Variants in DHRS3 observed in about 807,000 individuals in gnomAD.
The protein encoded by DHRS3 is dehydrogenase/reductase 3, also known as short-chain dehydrogenase/reductase 3.
DHRS3 carries 14 observed loss-of-function variants against 27.2 expected under a neutral mutation model. That is an observed-to-expected ratio of 0.52 (90% CI 0.34 to 0.81). The LOEUF (loss-of-function observed/expected upper bound fraction) is 0.81, where lower values mean the gene tolerates loss of function less well. DHRS3 is among the 30% of genes least tolerant of loss of function. The pLI is 0.01. For missense variants in DHRS3, 322 were observed against 406.2 expected (o/e 0.79, Z 1.78); for synonymous variants, 165 against 175.9 (o/e 0.94, Z 0.49).
At chr1:12,612,785 A>G (rs1330438247) in intron 1 of DHRS3, among the ~76,000 whole-genome samples, 1 of 152,152 alleles carries the variant, frequency 6.6e-6, no homozygotes, top group Non-Finnish European at 1.5e-5. Flanking sequence ...GGGGGTGGGC[A>G]CGGTGGCTCA....
At chr1:12,611,704 T>A (rs1646910422) in intron 1 of DHRS3, among the ~76,000 whole-genome samples, 1 of 152,052 alleles carries the variant, frequency 6.6e-6, no homozygotes, top group African/African-American at 2.4e-5. Flanking sequence ...TTTTTGAGCG[T>A]GCCGGGATCT....
chr1:12,603,952 G>A (rs11121947), intron 1 of DHRS3, among the ~76,000 whole-genome samples: 3,692 of 152,278 alleles, frequency 0.024, 117 homozygotes, highest in African/African-American at 0.083. Context: ...CTCGCCCTGA[G>A]CCTGCATCTG....
intron 1 of DHRS3, among the ~76,000 whole-genome samples, chr1:12,583,753 C>A (rs185885441): frequency 6.6e-6 from 1 of 151,384 alleles, no homozygotes. Flanking sequence ...TGCACTCACC[C>A]ACTCCACTCC....
intron 1 of DHRS3, among the ~76,000 whole-genome samples, chr1:12,613,874 C>G (rs1255891957): frequency 4.6e-5 from 7 of 152,032 alleles, no homozygotes; most frequent in Non-Finnish European, 8.8e-5. Flanking sequence ...GGTTCAAGCA[C>G]TTCTCCTGCC....
At chr1:12,582,989 C>G (rs1646657768) in intron 1 of DHRS3, among the ~76,000 whole-genome samples, 1 of 150,502 alleles carries the variant, frequency 6.6e-6, no homozygotes, top group Admixed American at 6.6e-5. Context: ...TCCATCTATC[C>G]ATCCCTCACC....
chr1:12,609,093 G>A (rs1394247361), intron 1 of DHRS3, among the ~76,000 whole-genome samples: 1 of 152,176 alleles, frequency 6.6e-6, no homozygotes, highest in Non-Finnish European at 1.5e-5. Context: ...ATTCAGAGGG[G>A]TTAAGCACTA....
At chr1:12,604,753 A>T (rs186023646) in intron 1 of DHRS3, among the ~76,000 whole-genome samples, 19 of 152,358 alleles carry the variant, frequency 1.2e-4, no homozygotes, top group Non-Finnish European at 2.6e-4. Context: ...CCTGGATCTC[A>T]GAAATGCGTG....
chr1:12,570,925 G>A (rs763079553), intron 5 of DHRS3, among the ~76,000 whole-genome samples: 4 of 152,364 alleles, frequency 2.6e-5, no homozygotes, highest in East Asian at 1.9e-4. Context: ...CCTCAGTTTC[G>A]AGGTTTCTGT....
chr1:12,612,991 C>G (rs970774973), intron 1 of DHRS3, among the ~76,000 whole-genome samples: 1 of 151,170 alleles, frequency 6.6e-6, no homozygotes, highest in East Asian at 1.9e-4. Flanking sequence ...ATCTGGGAGG[C>G]GGAGGTTGCA....
intron 1 of DHRS3, among the ~76,000 whole-genome samples, chr1:12,615,773 C>G (rs550063725): frequency 1.3e-5 from 2 of 152,180 alleles, no homozygotes; most frequent in African/African-American, 4.8e-5. Context: ...TATGGGGCAT[C>G]GCCTCAAGGA....
At chr1:12,611,052 C>T (rs985471980) in intron 1 of DHRS3, among the ~76,000 whole-genome samples, 3 of 152,096 alleles carry the variant, frequency 2.0e-5, no homozygotes, top group Non-Finnish European at 4.4e-5. Flanking sequence ...TAAATACAGC[C>T]GAGATCACTT....
intron 1 of DHRS3, among the ~76,000 whole-genome samples, chr1:12,616,241 TC>T (rs1646943638): frequency 6.6e-6 from 1 of 152,146 alleles, no homozygotes. Context: ...TTTTCGCTCT[TC>T]CTCTTCACAG....
intron 1 of DHRS3, among the ~76,000 whole-genome samples, chr1:12,611,323 T>G (rs1453997612): frequency 6.6e-6 from 1 of 152,214 alleles, no homozygotes; most frequent in Non-Finnish European, 1.5e-5. Context: ...AATAGAAAAG[T>G]TGGTGAATTT....
chr1:12,583,492 TTATC>T (rs1419905434), intron 1 of DHRS3, among the ~76,000 whole-genome samples: 1 of 73,834 alleles, frequency 1.4e-5, no homozygotes, highest in Non-Finnish European at 2.8e-5. Flanking sequence ...ACTCACCTAC[TTATC>T]CATCCATCCA....
At chr1:12,601,424 G>A (rs1016052493) in intron 1 of DHRS3, among the ~76,000 whole-genome samples, 1 of 152,060 alleles carries the variant, frequency 6.6e-6, no homozygotes, top group African/African-American at 2.4e-5. Flanking sequence ...GAGCAGCAGG[G>A]GGCAGGTGTG....
At position 12,578,522 on chromosome 1, in the gene DHRS3, C is replaced by T. The variant is rs558800062; in HGVS notation, c.698+196G>A. On this transcript the variant is annotated intron_variant, in intron 4 of 5. Transcript: ENST00000616661. This position sits in a 1 kb window ranked among gnomAD's most constrained non-coding sequence, Gnocchi z 4.5. ...AGACACAGGGTTTCTCCATGCTGCC[C>T]AGGCTGGTCTCAAACTGGATTGCTG... is the stretch of plus-strand genomic sequence containing the variant. Among the ~76,000 whole-genome samples, 5 of 152,318 alleles carry T rather than the reference C, an allele frequency of 3.3e-5. No homozygotes were observed. The highest frequency in any genetic ancestry group is 2.0e-4 in the Admixed American group (3 of 15,290).
intron 1 of DHRS3, among the ~76,000 whole-genome samples, chr1:12,607,485 T>C (rs1228191584): frequency 6.6e-6 from 1 of 152,216 alleles, no homozygotes; most frequent in Non-Finnish European, 1.5e-5. Context: ...CCTTCTAAGT[T>C]CATTCTCCTT....
chr1:12,571,359 G>A (rs777146033), intron 5 of DHRS3, among the ~76,000 whole-genome samples: 3 of 152,036 alleles, frequency 2.0e-5, no homozygotes, highest in Non-Finnish European at 4.4e-5. Context: ...GTACTAAGAC[G>A]CTTCTGTGAA....
At chr1:12,580,760 T>C in intron 1 of DHRS3, 94 bp from the exon 2 acceptor site, 1 of 1,429,272 alleles carries the variant, frequency 7.0e-7, no homozygotes. Flanking sequence ...AAGTCATTTG[T>C]CTTGAAATGA....
Sources: gnomAD v4.1 joint callset for allele counts (sites outside exome capture counted in the v4.1 genomes callset) on GRCh38, gnomAD v4.1.1 for gene constraint, Gnocchi (gnomAD v3.1) non-coding constraint, MANE v1.5 for transcripts, NCBI Gene and HGNC (gene_info 2026-07-23, HGNC 2026-07-21) for gene names.